Variants in PNOC observed in about 807,000 individuals in gnomAD.
PNOC encodes nociceptin.
PNOC carries 10 observed loss-of-function variants against 15.6 expected under a neutral mutation model. The ratio of observed to expected loss-of-function variants is 0.64; its 90% CI spans 0.40 to 1.09. The LOEUF (loss-of-function observed/expected upper bound fraction) is 1.09. PNOC is among the 50% of genes least tolerant of loss of function. The pLI is 0.01. For synonymous variants in PNOC, 98 were observed against 88.5 expected (o/e 1.11, Z -0.60); for missense variants, 220 against 223.9 (o/e 0.98, Z 0.11).
intron 2 of PNOC, among the ~76,000 whole-genome samples, chr8:28,334,970 T>G (rs1034591660): frequency 6.6e-6 from 1 of 152,228 alleles, no homozygotes; most frequent in Non-Finnish European, 1.5e-5. Flanking sequence ...AGGTTCCATG[T>G]GTTAAGCATC....
intron 3 of PNOC, among the ~76,000 whole-genome samples, chr8:28,340,858 C>T (rs1801506476): frequency 6.6e-6 from 1 of 152,178 alleles, no homozygotes; most frequent in South Asian, 2.1e-4. Flanking sequence ...ATAGGGTGGG[C>T]ACAAAGGCAT....
chr8:28,335,426 G>A (rs370477268), intron 2 of PNOC, among the ~76,000 whole-genome samples: 1 of 152,188 alleles, frequency 6.6e-6, no homozygotes. Flanking sequence ...GGCAAATATC[G>A]GAATTACCTG....
At chr8:28,338,739 C>A in intron 2 of PNOC, 3 of 1,097,256 alleles carry the variant, frequency 2.7e-6, no homozygotes, top group Non-Finnish European at 2.2e-6. Flanking sequence ...CGGTGTTGGG[C>A]GCATTTATCC....
intron 3 of PNOC, among the ~76,000 whole-genome samples, chr8:28,340,563 G>A (rs905590020): frequency 5.3e-5 from 8 of 152,172 alleles, no homozygotes; most frequent in Admixed American, 2.0e-4. Flanking sequence ...AGTCCCATAC[G>A]TCTCCTTAAA....
At chr8:28,320,682 C>G (rs976981804) in intron 1 of PNOC, among the ~76,000 whole-genome samples, 1 of 151,808 alleles carries the variant, frequency 6.6e-6, no homozygotes, top group Non-Finnish European at 1.5e-5. Flanking sequence ...AACCCCGTCT[C>G]TACTAAAAAT....
At chr8:28,319,243 C>T (rs572365829) in intron 1 of PNOC, among the ~76,000 whole-genome samples, 8 of 152,186 alleles carry the variant, frequency 5.3e-5, no homozygotes, top group African/African-American at 1.7e-4. Flanking sequence ...TCCAGTTCAT[C>T]TCCCCGTTAC....
intron 2 of PNOC, among the ~76,000 whole-genome samples, chr8:28,337,104 C>T (rs1222518327): frequency 6.6e-6 from 1 of 152,188 alleles, no homozygotes; most frequent in African/African-American, 2.4e-5. Flanking sequence ...GCTCCAGTCT[C>T]CTCTCTCTTC....
intron 2 of PNOC, among the ~76,000 whole-genome samples, chr8:28,330,400 T>TTTATTTTTTTTTTTTTTTA (rs1554517530): frequency 6.8e-5 from 7 of 102,228 alleles, no homozygotes; most frequent in Non-Finnish European, 1.4e-4. Context: ...TATTTTATTT[T>TTTATTTTTTTTTTTTTTTA]TTTTTTTTTT....
In PNOC at chr8:28,327,565, C is replaced by CTTTT. The variant is rs1369152376; in HGVS notation, c.-23-1569_-23-1566dup. Among the ~76,000 whole-genome samples, 13 of 145,660 alleles carry CTTTT rather than the reference C, an allele frequency of 8.9e-5. 1 individual carries two copies. Among genetic ancestry groups the CTTTT allele is most frequent in the African/African-American group, 1.2e-4 (5 of 40,804 alleles). On this transcript the variant is annotated intron_variant, in intron 1 of 3. Coordinates refer to ENST00000301908, the MANE Select transcript of PNOC (RefSeq NM_006228.5). ...GGTGGCTTATAAACAACATAAAATT[C>CTTTT]TTTTCTTTTTTTTTTTTTTGAGATG...
At chr8:28,340,839 C>T (rs1047794505) in intron 3 of PNOC, among the ~76,000 whole-genome samples, 2 of 152,214 alleles carry the variant, frequency 1.3e-5, no homozygotes, top group African/African-American at 4.8e-5. Context: ...CTCCCACGAA[C>T]TCATTACCAT....
chr8:28,343,052 G>A lies in PNOC; in HGVS notation c.*158G>A, dbSNP rs1032632620. 2.0e-5 allele frequency: 19 copies of A among 956,334 alleles called. No homozygotes were observed. The highest frequency in any genetic ancestry group is 9.6e-5 in the South Asian group (2 of 20,750). The allele number at this position is 956,334 out of a possible 1,614,324, so 59.2% of individuals were successfully genotyped here. ...AGCGCCTGCAGATCCCGCAGGCTTC[G>A]TTTGCCTCCAGAACCTTCCCGTCTG... On this transcript the variant is annotated 3_prime_UTR_variant, in exon 4 of 4. Transcript: ENST00000301908.
chr8:28,340,145 T>G (rs1011788210), intron 3 of PNOC: 3 of 152,270 alleles, frequency 2.0e-5, no homozygotes, highest in African/African-American at 7.2e-5. Context: ...GTATCATTAC[T>G]GAGCAAGACG....
At chr8:28,331,367 C>A (rs917231164) in intron 2 of PNOC, among the ~76,000 whole-genome samples, 7 of 152,140 alleles carry the variant, frequency 4.6e-5, no homozygotes, top group African/African-American at 1.4e-4. Context: ...GAACACCAGC[C>A]CTCTCTCGGT....
At chr8:28,321,206 ATTTT>A (rs34876674) in intron 1 of PNOC, among the ~76,000 whole-genome samples, 8 of 122,792 alleles carry the variant, frequency 6.5e-5, no homozygotes, top group African/African-American at 2.2e-4. Context: ...ACCTAGCTAA[ATTTT>A]TTTTTTTTTT....
intron 2 of PNOC, 90 bp downstream of exon 2, chr8:28,329,373 A>T: frequency 2.1e-6 from 3 of 1,461,232 alleles, no homozygotes; most frequent in Non-Finnish European, 2.8e-6. Context: ...GTGAGAAGCC[A>T]AGGCCTCTCC....
intron 3 of PNOC, among the ~76,000 whole-genome samples, chr8:28,342,354 CAAAAAA>C (rs34315819): frequency 2.3e-5 from 2 of 85,114 alleles, no homozygotes; most frequent in Non-Finnish European, 2.4e-5. Context: ...AACCCCATCT[CAAAAAA>C]AAAAAAAAAA....
chr8:28,323,023 C>G (rs1285089072), intron 1 of PNOC, among the ~76,000 whole-genome samples: 3 of 152,194 alleles, frequency 2.0e-5, no homozygotes, highest in Non-Finnish European at 1.5e-5. Context: ...CAAGAGCAGT[C>G]CCCTCTTCTC....
At chr8:28,334,725 C>T (rs529510019) in intron 2 of PNOC, among the ~76,000 whole-genome samples, 1 of 152,246 alleles carries the variant, frequency 6.6e-6, no homozygotes, top group Admixed American at 6.5e-5. Flanking sequence ...AACTCCTGGG[C>T]TCAAAGGCGC....
At chr8:28,334,166 C>A (rs906734765) in intron 2 of PNOC, among the ~76,000 whole-genome samples, 5 of 152,100 alleles carry the variant, frequency 3.3e-5, no homozygotes, top group African/African-American at 1.2e-4. Flanking sequence ...CAGTTGAGAT[C>A]CACGCCTGTA....
Sources: allele counts gnomAD v4.1 joint callset (sites outside exome capture counted in the v4.1 genomes callset), GRCh38; gene constraint gnomAD v4.1.1; transcripts MANE v1.5; gene names NCBI Gene and HGNC (gene_info 2026-07-23, HGNC 2026-07-21).